FTO: variants seen among roughly 807,000 people sequenced by gnomAD.
FTO encodes the protein alpha-ketoglutarate-dependent dioxygenase FTO.
Under a neutral mutation model 63.9 loss-of-function variants are expected in FTO, and 47 were observed. That is an observed-to-expected ratio of 0.74 (90% CI 0.58 to 0.94). The LOEUF is 0.94. Among genes scored for constraint, FTO ranks in the 40% least tolerant of loss-of-function variants. The pLI is 0.00. For missense variants in FTO, 562 were observed against 618.1 expected (o/e 0.91, Z 0.96); for synonymous variants, 207 against 224.4 (o/e 0.92, Z 0.69).
intron 8 of FTO, among the ~76,000 whole-genome samples, chr16:54,101,753 A>G (rs549236141): frequency 3.3e-5 from 5 of 152,292 alleles, no homozygotes; most frequent in Admixed American, 2.0e-4. Context: ...GCTTTCCACA[A>G]TGGCTGGACT....
At chr16:54,035,324 A>T (rs537344990) in intron 8 of FTO, among the ~76,000 whole-genome samples, 2 of 152,312 alleles carry the variant, frequency 1.3e-5, no homozygotes, top group East Asian at 3.9e-4. Context: ...TGATGGGGCC[A>T]TTGTGGTTCT....
At chr16:53,722,450 G>GA (rs1555623458) in intron 1 of FTO, among the ~76,000 whole-genome samples, 3 of 150,660 alleles carry the variant, frequency 2.0e-5, no homozygotes, top group Non-Finnish European at 4.4e-5. Context: ...TTTGTTTTTT[G>GA]TTTTTTTTTA....
intron 7 of FTO, among the ~76,000 whole-genome samples, chr16:53,932,517 G>A (rs1335552503): frequency 6.6e-6 from 1 of 151,668 alleles, no homozygotes; most frequent in African/African-American, 2.4e-5. Context: ...AGCCTCCTGA[G>A]TAGCTGTTAT....
intron 1 of FTO, among the ~76,000 whole-genome samples, chr16:53,759,417 G>A (rs1567961737): frequency 6.6e-6 from 1 of 152,086 alleles, no homozygotes; most frequent in Non-Finnish European, 1.5e-5. Context: ...ATACAGGCTG[G>A]GCACAGTGGC....
intron 3 of FTO, among the ~76,000 whole-genome samples, chr16:53,837,225 G>T (rs1265265077): frequency 6.6e-6 from 1 of 152,048 alleles, no homozygotes; most frequent in Non-Finnish European, 1.5e-5. Context: ...TCCCAAGTCC[G>T]TGAAACATGA....
intron 8 of FTO, among the ~76,000 whole-genome samples, chr16:54,048,767 C>A (rs1378661751): frequency 6.6e-6 from 1 of 152,194 alleles, no homozygotes; most frequent in African/African-American, 2.4e-5. Flanking sequence ...CATGCACATT[C>A]AAGCCTCCGA....
intron 8 of FTO, among the ~76,000 whole-genome samples, chr16:54,010,358 A>G (rs1432303054): frequency 6.6e-6 from 1 of 152,128 alleles, no homozygotes; most frequent in Non-Finnish European, 1.5e-5. Context: ...GTTAGCCAAG[A>G]TTGCGCCACT....
At chr16:53,923,635 CT>C (rs996486814) in intron 7 of FTO, among the ~76,000 whole-genome samples, 2 of 151,902 alleles carry the variant, frequency 1.3e-5, no homozygotes, top group East Asian at 1.9e-4. Context: ...ATAAACAACA[CT>C]TTTTTTTCCT....
At chr16:53,927,023 A>C (rs2082159331) in intron 7 of FTO, among the ~76,000 whole-genome samples, 1 of 152,154 alleles carries the variant, frequency 6.6e-6, no homozygotes, top group Admixed American at 6.5e-5. Flanking sequence ...AAGCCTAAAA[A>C]CCACTATTAT....
intron 1 of FTO, among the ~76,000 whole-genome samples, chr16:53,759,693 C>CA (rs758376530): frequency 0.069 from 1,901 of 27,462 alleles, 26 homozygotes; most frequent in African/African-American, 0.16. Context: ...GACTCCTTCT[C>CA]AAAAAAAAAA....
At chr16:53,765,561 A>AG (rs2151617147) in intron 1 of FTO, among the ~76,000 whole-genome samples, 1 of 151,498 alleles carries the variant, frequency 6.6e-6, no homozygotes, top group Non-Finnish European at 1.5e-5. Context: ...CCGTCTCAAA[A>AG]AAAAAAAAAA....
At chr16:53,823,988 C>T (rs1027992472) in intron 2 of FTO, among the ~76,000 whole-genome samples, 1 of 152,216 alleles carries the variant, frequency 6.6e-6, no homozygotes, top group Non-Finnish European at 1.5e-5. Context: ...TGTATTTCAT[C>T]TGTCCACTTA....
chr16:54,059,252 T>A (rs1021308074), intron 8 of FTO, among the ~76,000 whole-genome samples: 1 of 152,196 alleles, frequency 6.6e-6, no homozygotes, highest in South Asian at 2.1e-4. Context: ...AAGGAGCCAT[T>A]GCATTTCCCG....
At chr16:54,102,267 C>G (rs1174799389) in intron 8 of FTO, among the ~76,000 whole-genome samples, 1 of 152,094 alleles carries the variant, frequency 6.6e-6, no homozygotes, top group Non-Finnish European at 1.5e-5. Flanking sequence ...AAAAAGACAC[C>G]AAAAGCAATC....
chr16:53,929,169 AACCACC>A (rs2082221505), intron 7 of FTO, among the ~76,000 whole-genome samples: 1 of 152,152 alleles, frequency 6.6e-6, no homozygotes, highest in African/African-American at 2.4e-5. Flanking sequence ...AAACTCACGT[AACCACC>A]ACCACAATCA....
chr16:53,759,971 T>G (rs558451157), intron 1 of FTO, among the ~76,000 whole-genome samples: 1 of 152,112 alleles, frequency 6.6e-6, no homozygotes, highest in South Asian at 2.1e-4. Flanking sequence ...TGGTCAGGGA[T>G]GTGGTGGTTG....
rs566082364 is a variant in FTO, at chr16:54,063,165, G to A, written c.1365-48597G>A. On this transcript the variant is annotated intron_variant, in intron 8 of 8. Coordinates refer to ENST00000471389, the MANE Select transcript of FTO (RefSeq NM_001080432.3). ...GTTTAGAAGGCTGTGCTTACTTTCC[G>A]TTTTCCCCGGAATTTTTCTGATACC... Among the ~76,000 whole-genome samples, 7 of 152,252 alleles carry A rather than the reference G, an allele frequency of 4.6e-5. No homozygotes were observed. In the East Asian group the frequency reaches 5.8e-4, roughly 13 times the overall value.
chr16:53,970,529 C>G (rs1382949153), intron 8 of FTO, among the ~76,000 whole-genome samples: 2 of 145,670 alleles, frequency 1.4e-5, no homozygotes, highest in Non-Finnish European at 3.0e-5. Flanking sequence ...AGGCAGAGGT[C>G]ATAGTGAGCC....
At chr16:53,765,019 C>A (rs1015059654) in intron 1 of FTO, among the ~76,000 whole-genome samples, 2 of 152,128 alleles carry the variant, frequency 1.3e-5, no homozygotes, top group Admixed American at 6.6e-5. Context: ...CATGCCCAAC[C>A]TGTCTGTTGT....
Sources: gnomAD v4.1 joint callset for allele counts (sites outside exome capture counted in the v4.1 genomes callset) on GRCh38, gnomAD v4.1.1 for gene constraint, MANE v1.5 for transcripts, NCBI Gene and HGNC (gene_info 2026-07-23, HGNC 2026-07-21) for gene names.